ADGB: variants seen among roughly 807,000 people sequenced by gnomAD.
ADGB encodes the protein androglobin, also known as calpain-7-like protein.
In ADGB, 172 loss-of-function variants were observed where a neutral mutation model predicts 210.5. The observed-to-expected ratio is 0.82, with a 90% CI of 0.72 to 0.93. The LOEUF is 0.93. ADGB is among the 40% of genes least tolerant of loss of function. The probability of loss-of-function intolerance (pLI) is 0.00; values close to 1 mark genes in which losing one functional copy is unlikely to be tolerated. For missense variants in ADGB, 2,025 were observed against 1,964.8 expected (o/e 1.03, Z -0.58); for synonymous variants, 658 against 662.7 (o/e 0.99, Z 0.11).
intron 1 of ADGB, among the ~76,000 whole-genome samples, chr6:146,623,737 T>C (rs973914469): frequency 3.3e-5 from 5 of 151,936 alleles, no homozygotes; most frequent in African/African-American, 1.2e-4. Flanking sequence ...GTAGATGTCA[T>C]TTATCAGGTT....
At chr6:146,619,823 C>G (rs571562814) in intron 1 of ADGB, among the ~76,000 whole-genome samples, 1 of 152,254 alleles carries the variant, frequency 6.6e-6, no homozygotes, top group Admixed American at 6.5e-5. Flanking sequence ...AGCCCAGTTA[C>G]AGTTTTAGAA....
intron 15 of ADGB, 104 bp downstream of exon 15, chr6:146,717,173 TA>T: frequency 1.0e-6 from 1 of 957,108 alleles, no homozygotes; most frequent in Middle Eastern, 3.1e-4. Flanking sequence ...ATATTTAATA[TA>T]GTGGTTATAT....
chr6:146,758,698 T>G (rs1438631202), intron 27 of ADGB, among the ~76,000 whole-genome samples: 1 of 151,944 alleles, frequency 6.6e-6, no homozygotes, highest in Non-Finnish European at 1.5e-5. Flanking sequence ...CCAGATGAAC[T>G]TTAATACAGT....
chr6:146,694,904 A>T (rs1011178507), intron 12 of ADGB, among the ~76,000 whole-genome samples: 1 of 152,200 alleles, frequency 6.6e-6, no homozygotes, highest in African/African-American at 2.4e-5. Context: ...TGATACTGCA[A>T]TATAATAGAA....
chr6:146,648,453 A>G (rs1775653414), intron 3 of ADGB, among the ~76,000 whole-genome samples: 1 of 152,166 alleles, frequency 6.6e-6, no homozygotes, highest in Admixed American at 6.6e-5. Flanking sequence ...CAAGCTGTAC[A>G]GGAGGCATGG....
intron 16 of ADGB, among the ~76,000 whole-genome samples, chr6:146,720,694 A>AGCAAACAC (rs1452274951): frequency 1.3e-5 from 2 of 152,156 alleles, no homozygotes; most frequent in African/African-American, 2.4e-5. Flanking sequence ...GCTATGGGGA[A>AGCAAACAC]GCAAACACGT....
intron 13 of ADGB, among the ~76,000 whole-genome samples, chr6:146,706,845 G>GTTTTTT (rs34520729): frequency 1.3e-4 from 13 of 100,690 alleles, no homozygotes; most frequent in African/African-American, 5.7e-4. Flanking sequence ...TCAGCTTAGT[G>GTTTTTT]TTTTTTTTTT....
intron 9 of ADGB, among the ~76,000 whole-genome samples, chr6:146,682,641 C>G (rs555614618): frequency 4.6e-5 from 7 of 152,024 alleles, no homozygotes; most frequent in African/African-American, 1.4e-4. Flanking sequence ...TTATAGAGCC[C>G]CTAGATTTAA....
chr6:146,768,123 A>C (rs1334001341), intron 28 of ADGB, among the ~76,000 whole-genome samples: 1 of 152,212 alleles, frequency 6.6e-6, no homozygotes, highest in Non-Finnish European at 1.5e-5. Context: ...ATAAATAGAG[A>C]AGCATTTCAT....
At chr6:146,778,674 A>C (rs899057133) in intron 29 of ADGB, among the ~76,000 whole-genome samples, 1 of 152,100 alleles carries the variant, frequency 6.6e-6, no homozygotes, top group African/African-American at 2.4e-5. Context: ...AACTGCTTAG[A>C]GTGTAATCTC....
intron 23 of ADGB, among the ~76,000 whole-genome samples, chr6:146,737,279 A>G (rs896713687): frequency 6.6e-6 from 1 of 152,226 alleles, no homozygotes; most frequent in African/African-American, 2.4e-5. Context: ...TGAACATTTT[A>G]ATAACCAAAA....
At position 146,664,295 on chromosome 6, in the gene ADGB, G is replaced by C; in HGVS notation, c.707G>C (p.Trp236Ser). The C allele has an allele frequency of 6.5e-7, 1 of 1,549,578 alleles. No individual in the cohort carries two copies. The highest frequency in any genetic ancestry group is 2.0e-5 in the Admixed American group (1 of 50,874). Residue 236 changes from tryptophan (W) to serine (S), a missense_variant, in exon 6 of 36, where the codon TGG becomes TCG. Physicochemically the swap from Trp to Ser is radical, Grantham distance 177. Transcript: ENST00000397944. ...LPATTYEFEL[W>S]PMLLSKAIIK... ...GCTACAACTTATGAATTTGAACTGT[G>C]GCCAATGCTTTTGTCTAAAGCTATT... is the stretch of plus-strand genomic sequence containing the variant.
chr6:146,693,002 C>A, intron 12 of ADGB, 87 bp downstream of exon 12: 1 of 685,148 alleles, frequency 1.5e-6, no homozygotes, highest in Non-Finnish European at 2.4e-6. Context: ...CAAATGGGAG[C>A]ATTTTGAAGA....
At chr6:146,739,824 T>C (rs1777137335) in intron 23 of ADGB, among the ~76,000 whole-genome samples, 1 of 152,138 alleles carries the variant, frequency 6.6e-6, no homozygotes, top group Non-Finnish European at 1.5e-5. Context: ...GGATAAGACC[T>C]GGAAAATCCA....
At chr6:146,634,832 CAAATATAGAAGCTTAGTTAAATG>C (rs1460348254) in intron 1 of ADGB, among the ~76,000 whole-genome samples, 1 of 151,744 alleles carries the variant, frequency 6.6e-6, no homozygotes, top group Non-Finnish European at 1.5e-5. Flanking sequence ...CCCAAATTTC[CAAATATAGAAGCTTAGTTAAATG>C]AAATAAGGTA....
chr6:146,610,630 T>A (rs1056532723), intron 1 of ADGB, among the ~76,000 whole-genome samples: 1 of 152,194 alleles, frequency 6.6e-6, no homozygotes. Context: ...TCAGCACTCC[T>A]GAGCTGTATG....
intron 23 of ADGB, among the ~76,000 whole-genome samples, chr6:146,736,834 C>T (rs1777086303): frequency 6.6e-6 from 1 of 152,048 alleles, no homozygotes; most frequent in Admixed American, 6.6e-5. Flanking sequence ...ACAAAGTTTC[C>T]TTAAATCTTA....
At chr6:146,705,989 T>C (rs1158070084) in intron 13 of ADGB, among the ~76,000 whole-genome samples, 1 of 152,008 alleles carries the variant, frequency 6.6e-6, no homozygotes, top group Non-Finnish European at 1.5e-5. Context: ...AGTGGCATGA[T>C]CATAACTTAA....
chr6:146,799,158 A>G (rs1778087472), intron 33 of ADGB, among the ~76,000 whole-genome samples: 1 of 152,066 alleles, frequency 6.6e-6, no homozygotes. Context: ...ACTCTACAAA[A>G]AAACCTATGG....
Sources: allele counts gnomAD v4.1 joint callset (sites outside exome capture counted in the v4.1 genomes callset), GRCh38; gene constraint gnomAD v4.1.1; transcripts MANE v1.5; gene names NCBI Gene and HGNC (gene_info 2026-07-23, HGNC 2026-07-21).